ZNF284: variants seen among roughly 807,000 people sequenced by gnomAD.
ZNF284 encodes the protein zinc finger protein 284.
Under a neutral mutation model 12.9 loss-of-function variants are expected in ZNF284, and 12 were observed. The ratio of observed to expected loss-of-function variants is 0.93; its 90% CI spans 0.60 to 1.51. The LOEUF is 1.51. Ranked by LOEUF, ZNF284 falls within the 40% of genes most tolerant of loss-of-function variation. The pLI is 0.00. For missense variants in ZNF284, 667 were observed against 707.3 expected, an observed-to-expected ratio of 0.94 and a Z score of 0.65; for synonymous variants, 225 against 236.5, an observed-to-expected ratio of 0.95 and a Z score of 0.45.
Position 44,086,005 on chromosome 19 carries a change from C to A in ZNF284, c.527C>A (p.Thr176Lys), listed in dbSNP as rs747316831. 5 of 1,614,132 alleles carry A rather than the reference C, an allele frequency of 3.1e-6. No individual in the cohort carries two copies. The highest frequency in any genetic ancestry group is 4.2e-6 in the Non-Finnish European group (5 of 1,179,996). The change falls in exon 5 of 5, where the codon ACA (threonine) becomes AAA (lysine). Residue 176 changes from threonine to lysine, a missense_variant. Physicochemically the swap from Thr to Lys is moderately conservative, Grantham distance 78. Transcript: ENST00000421176. ...TTACACTCAGGAAAGATATCCCATA[C>A]ATGTAATGAGTACAGGAAGAGATTC... Reference protein sequence around the residue: ...QQLHSGKISHTCNEYRKRFCY... With the variant: ...QQLHSGKISHKCNEYRKRFCY...
At position 44,086,980 on chromosome 19, in the gene ZNF284, A is replaced by G. The variant is rs1233224768; in HGVS notation, c.1502A>G (p.His501Arg). Residue 501 changes from histidine to arginine, a missense_variant, in exon 5 of 5, where the codon CAT becomes CGT. His to Arg is a conservative substitution (Grantham distance 29). Coordinates refer to ENST00000421176, the MANE Select transcript of ZNF284 (RefSeq NM_001037813.4). ...ACTGAGAATTCAAAACTTCGTTTCCATCAAAGAATTCACACTGGAGAAAAG... is the reference window on the plus strand; with the variant it reads ...ACTGAGAATTCAAAACTTCGTTTCCGTCAAAGAATTCACACTGGAGAAAAG... ...RFTENSKLRF[H>R]QRIHTGEKPY... 4 of 1,614,126 alleles carry G rather than the reference A, an allele frequency of 2.5e-6. No homozygotes were observed. The highest frequency in any genetic ancestry group is 1.3e-5 in the African/African-American group (1 of 74,942).
Position 44,086,717 on chromosome 19 carries a change from G to A in ZNF284, c.1239G>A (p.Gln413=). The change falls in exon 5 of 5, where the codon CAG becomes CAA. Residue 413 remains glutamine, a synonymous_variant. Transcript: ENST00000421176. ...GGAAGAGATTTTATATGAATTCACA[G>A]GGCCATTCACATCAGAGAGCCTATA... ...GCGKRFYMNS[Q]GHSHQRAYRE... 4 of 1,614,024 alleles carry A rather than the reference G, an allele frequency of 2.5e-6. No individual in the cohort carries two copies. Among genetic ancestry groups the A allele is most frequent in the Non-Finnish European group, 3.4e-6 (4 of 1,179,972 alleles).
intron 3 of ZNF284, 28 bp from the exon 4 acceptor site, chr19:44,081,985 G>A (rs1967134009): frequency 1.3e-6 from 2 of 1,577,964 alleles, no homozygotes; most frequent in African/African-American, 1.4e-5. Context: ...AAGATGTATT[G>A]GGATTAAGCA....
chr19:44,082,596 C>T lies in ZNF284; in HGVS notation c.235+491C>T, dbSNP rs1432798609. On this transcript the variant is annotated intron_variant, in intron 4 of 4. Transcript: ENST00000421176. ...TGTTCTTCAGATCTGAAGTCTGACA[C>T]ATCTCACTGGACAAAAATCAGGGTG... Among the ~76,000 whole-genome samples, 5 of 152,214 alleles carry T rather than the reference C, an allele frequency of 3.3e-5. No homozygotes were observed. The East Asian group carries it at 9.6e-4, about 29-fold the overall frequency.
chr19:44,085,732 A>G lies in ZNF284; in HGVS notation c.254A>G (p.Glu85Gly). ...EGNSGGKIQT[E>G]LESVPETGPH... ...CTTATAGGAGGCAAGATCCAAACTGAGTTGGAGTCTGTTCCAGAAACAGGA... is the reference window on the plus strand; with the variant it reads ...CTTATAGGAGGCAAGATCCAAACTGGGTTGGAGTCTGTTCCAGAAACAGGA... The change falls in exon 5 of 5, where the codon GAG (glutamate) becomes GGG (glycine). Residue 85 changes from glutamate to glycine, a missense_variant. Coordinates refer to ENST00000421176, the MANE Select transcript of ZNF284 (RefSeq NM_001037813.4). 13 of 1,612,712 alleles carry G rather than the reference A, an allele frequency of 8.1e-6. No homozygotes were observed. The highest frequency in any genetic ancestry group is 1.1e-5 in the Non-Finnish European group (13 of 1,179,200).
chr19:44,087,127 AC>A lies in ZNF284; in HGVS notation c.1650del (p.His550GlnfsTer31). ...GAGGATTGTGGGAAGAGCAGTGAGC[AC>A]AGTTCATGCCTTCAAGACCAACAAA... The part of the protein sequence containing the change: ...QCEDCGKSSE[H>X]SSCLQDQQSD... On this transcript the variant is annotated frameshift_variant, in exon 5 of 5. Transcript: ENST00000421176. LOFTEE classifies it low-confidence loss of function (END_TRUNC). 6.2e-7 allele frequency: 1 copy of A among 1,614,200 alleles called. No homozygotes were observed.
chr19:44,076,524 G>A (rs774104306), intron 2 of ZNF284, 120 bp downstream of exon 2: 27 of 969,222 alleles, frequency 2.8e-5, no homozygotes, highest in Non-Finnish European at 3.6e-5. Context: ...CACCTGTTGT[G>A]TGCCAGATGC....
At chr19:44,081,887 A>C (rs1568521887) in intron 3 of ZNF284, 126 bp from the exon 4 acceptor site, 4 of 665,170 alleles carry the variant, frequency 6.0e-6, no homozygotes, top group Non-Finnish European at 1.0e-5. Context: ...ACTACAATTC[A>C]AGATGAGATT....
intron 4 of ZNF284, among the ~76,000 whole-genome samples, chr19:44,083,474 T>TATATAGAGAG (rs746837013): frequency 6.5e-4 from 42 of 64,912 alleles, no homozygotes; most frequent in African/African-American, 1.7e-3. Flanking sequence ...TATATATATA[T>TATATAGAGAG]AGAGAGAGAG....
chr19:44,086,839 C>T lies in ZNF284; in HGVS notation c.1361C>T (p.Pro454Leu). The T allele has an allele frequency of 6.2e-7, 1 of 1,613,968 alleles. No individual in the cohort carries two copies. Among genetic ancestry groups the T allele is most frequent in the African/African-American group, 1.3e-5 (1 of 74,978 alleles). ...CAGAGGGTCCACACGGGAGAGAGAC[C>T]TTATAATTGTAAGGAATGTGGAAAG... is the stretch of plus-strand genomic sequence containing the variant. Reference protein sequence around the residue: ...LHQRVHTGERPYNCKECGKSF... With the variant: ...LHQRVHTGERLYNCKECGKSF... The change falls in exon 5 of 5, where the codon CCT (proline) becomes CTT (leucine). Residue 454 changes from proline (P) to leucine (L), a missense_variant. Physicochemically the swap from Pro to Leu is moderately conservative, Grantham distance 98. Transcript: ENST00000421176.
intron 1 of ZNF284, among the ~76,000 whole-genome samples, chr19:44,074,041 AT>A (rs375099631): frequency 6.1e-5 from 9 of 147,454 alleles, no homozygotes; most frequent in East Asian, 2.0e-4. Flanking sequence ...TCGTTATCTC[AT>A]TTTTTTTTTG....
At position 44,085,811 on chromosome 19, in the gene ZNF284, A is replaced by G; in HGVS notation, c.333A>G (p.Leu111=). Residue 111 remains leucine, a synonymous_variant, in exon 5 of 5, where the codon TTA becomes TTG. Coordinates refer to ENST00000421176, the MANE Select transcript of ZNF284 (RefSeq NM_001037813.4). ...QQIWEQTASE[L]TRPQDSISSS... is the part of the protein sequence containing the mutation. ...TCTGGGAACAAACTGCAAGTGAGTT[A>G]ACTAGACCTCAAGACTCCATAAGTA... The G allele has an allele frequency of 6.2e-7, 1 of 1,613,440 alleles. No homozygotes were observed. The highest frequency in any genetic ancestry group is 2.2e-5 in the East Asian group (1 of 44,858).
In ZNF284 at chr19:44,078,728, G is replaced by A. The variant is rs1381503261; in HGVS notation, c.16-2287G>A. Among the ~76,000 whole-genome samples, 5 of 152,132 alleles carry A rather than the reference G, an allele frequency of 3.3e-5. No individual in the cohort carries two copies. The East Asian group carries it at 9.6e-4, about 29-fold the overall frequency. On this transcript the variant is annotated intron_variant, in intron 2 of 4. Coordinates refer to ENST00000421176, the MANE Select transcript of ZNF284 (RefSeq NM_001037813.4). ...CCCCACCTTAGCCTCTTAAAGCACT[G>A]GGATTACAGGTGTGAATCACTGCAC...
intron 1 of ZNF284, among the ~76,000 whole-genome samples, chr19:44,075,120 A>G (rs1393551941): frequency 6.6e-6 from 1 of 152,204 alleles, no homozygotes; most frequent in Non-Finnish European, 1.5e-5. Flanking sequence ...ACCATATTAC[A>G]TAACGTTGTT....
intron 2 of ZNF284, among the ~76,000 whole-genome samples, chr19:44,077,313 C>T (rs960019983): frequency 3.9e-5 from 6 of 152,128 alleles, no homozygotes; most frequent in Admixed American, 2.6e-4. Context: ...TTTGTTTTCC[C>T]CATGCTTAAG....
intron 1 of ZNF284, 113 bp from the exon 2 acceptor site, chr19:44,076,209 C>T: frequency 3.7e-6 from 2 of 535,954 alleles, no homozygotes; most frequent in East Asian, 5.7e-5. Context: ...TGAATAATGC[C>T]CCTGTGAACA....
chr19:44,080,159 T>C (rs541627005), intron 2 of ZNF284, among the ~76,000 whole-genome samples: 108 of 152,278 alleles, frequency 7.1e-4, no homozygotes, highest in African/African-American at 2.4e-3. Context: ...GCACACACAC[T>C]CAGTGTGATC....
At chr19:44,083,450 A>AATAAAT (rs1967159243) in intron 4 of ZNF284, among the ~76,000 whole-genome samples, 6 of 60,376 alleles carry the variant, frequency 9.9e-5, no homozygotes, top group South Asian at 1.5e-3. Context: ...TAAATAAAGA[A>AATAAAT]ATATATATAT....
At chr19:44,082,694 C>T (rs1967148060) in intron 4 of ZNF284, among the ~76,000 whole-genome samples, 1 of 152,224 alleles carries the variant, frequency 6.6e-6, no homozygotes, top group African/African-American at 2.4e-5. Flanking sequence ...TCCCTAGGCA[C>T]TGTCCACACT....
Sources: allele counts gnomAD v4.1 joint callset (sites outside exome capture counted in the v4.1 genomes callset), GRCh38; gene constraint gnomAD v4.1.1; transcripts MANE v1.5; gene names NCBI Gene and HGNC (gene_info 2026-07-23, HGNC 2026-07-21).